The following CSMD1 variants were observed in gnomAD, a reference collection of about 807,000 sequenced individuals.
CSMD1 encodes the protein CUB and Sushi multiple domains 1.
In CSMD1, 213 loss-of-function variants were observed where a neutral mutation model predicts 417.5. That is an observed-to-expected ratio of 0.51 (90% CI 0.46 to 0.57). The LOEUF (loss-of-function observed/expected upper bound fraction) is 0.57. Ranked by LOEUF, CSMD1 falls within the 20% of genes least tolerant of loss-of-function variation. The probability of loss-of-function intolerance (pLI) is 0.00; values close to 1 mark genes in which losing one functional copy is unlikely to be tolerated. For missense variants in CSMD1, 6,923 were observed against 4,529.7 expected (o/e 1.53, Z -15.17); for synonymous variants, 2,862 against 1,736.8 (o/e 1.65, Z -16.11).
At chr8:4,362,164 A>G (rs769242046) in intron 3 of CSMD1, among the ~76,000 whole-genome samples, 1 of 152,212 alleles carries the variant, frequency 6.6e-6, no homozygotes, top group African/African-American at 2.4e-5. Context: ...TTCAATTTAC[A>G]TGAGTACAGT....
intron 3 of CSMD1, among the ~76,000 whole-genome samples, chr8:4,278,637 A>G (rs565800538): frequency 6.6e-6 from 1 of 152,216 alleles, no homozygotes; most frequent in Non-Finnish European, 1.5e-5. Flanking sequence ...TTAGCTACGA[A>G]TTCAACATAA....
intron 3 of CSMD1, among the ~76,000 whole-genome samples, chr8:4,251,318 A>T (rs1803055748): frequency 6.6e-6 from 1 of 152,156 alleles, no homozygotes; most frequent in East Asian, 1.9e-4. Flanking sequence ...ATGTCATAGT[A>T]TTTGCATTAT....
rs1805097297 is a variant in CSMD1, at chr8:2,978,225, C to T, written c.8566+387G>A. 3.9e-5 allele frequency among the ~76,000 whole-genome samples: 6 copies of T among 152,202 alleles called. No individual in the cohort carries two copies. The South Asian group carries it at 8.3e-4, about 21-fold the overall frequency. ...AAACTCCACACCAGAGCACTTCGCCCACCTGGGCTGAGCGAGAGTAAGACG... is the reference window on the plus strand; with the variant it reads ...AAACTCCACACCAGAGCACTTCGCCTACCTGGGCTGAGCGAGAGTAAGACG... On this transcript the variant is annotated intron_variant, in intron 55 of 69. Transcript: ENST00000635120.
chr8:3,839,545 TTA>T (rs199550537), intron 5 of CSMD1, among the ~76,000 whole-genome samples: 2,461 of 129,328 alleles, frequency 0.019, 75 homozygotes, highest in African/African-American at 0.062. Flanking sequence ...ATTTTATATA[TTA>T]TATATATATT....
intron 3 of CSMD1, among the ~76,000 whole-genome samples, chr8:4,075,621 G>T (rs1362119336): frequency 2.0e-5 from 3 of 152,094 alleles, no homozygotes; most frequent in Admixed American, 6.6e-5. Context: ...ATCTATTATT[G>T]TAGTATAACT....
intron 3 of CSMD1, among the ~76,000 whole-genome samples, chr8:4,097,319 T>G (rs1218118232): frequency 1.3e-5 from 2 of 152,186 alleles, no homozygotes; most frequent in Admixed American, 6.5e-5. Context: ...AACACTTATT[T>G]TAATTTGCCT....
intron 5 of CSMD1, among the ~76,000 whole-genome samples, chr8:3,925,580 T>G (rs1313133444): frequency 6.6e-6 from 1 of 152,132 alleles, no homozygotes; most frequent in African/African-American, 2.4e-5. Flanking sequence ...AACTGAATCG[T>G]GGAGACCAGT....
At chr8:4,702,163 T>C (rs2116823339) in intron 1 of CSMD1, among the ~76,000 whole-genome samples, 1 of 152,306 alleles carries the variant, frequency 6.6e-6, no homozygotes, top group East Asian at 1.9e-4. Flanking sequence ...AATGCTGGGC[T>C]TAATACCTAG....
intron 3 of CSMD1, among the ~76,000 whole-genome samples, chr8:4,222,762 T>C (rs1042778731): frequency 3.9e-5 from 6 of 152,168 alleles, no homozygotes; most frequent in Non-Finnish European, 5.9e-5. Context: ...ATGGAGGTTA[T>C]AGTTTAGCTC....
intron 5 of CSMD1, among the ~76,000 whole-genome samples, chr8:3,755,037 C>A (rs1355102858): frequency 6.6e-6 from 1 of 152,220 alleles, no homozygotes; most frequent in African/African-American, 2.4e-5. Context: ...CACTTTACAA[C>A]GTGCAGTTTA....
intron 37 of CSMD1, among the ~76,000 whole-genome samples, chr8:3,162,703 A>C (rs1819972917): frequency 6.6e-6 from 1 of 151,570 alleles, no homozygotes; most frequent in African/African-American, 2.4e-5. Flanking sequence ...GAATCTTGGA[A>C]TTCTGTTCTT....
intron 17 of CSMD1, among the ~76,000 whole-genome samples, chr8:3,389,881 C>T (rs968536833): frequency 6.6e-6 from 1 of 152,124 alleles, no homozygotes; most frequent in African/African-American, 2.4e-5. Flanking sequence ...ATAATTGACA[C>T]CACTATTGAA....
At chr8:4,039,271 T>C (rs1227183934) in intron 3 of CSMD1, among the ~76,000 whole-genome samples, 1 of 152,122 alleles carries the variant, frequency 6.6e-6, no homozygotes, top group Non-Finnish European at 1.5e-5. Flanking sequence ...AAAATATAAC[T>C]CCAAATTCCT....
At chr8:4,801,924 A>C (rs1798308054) in intron 1 of CSMD1, among the ~76,000 whole-genome samples, 4 of 152,164 alleles carry the variant, frequency 2.6e-5, no homozygotes, top group Admixed American at 2.6e-4. Flanking sequence ...TCGTACTGTG[A>C]TTCAAGGTAA....
chr8:4,772,302 C>A (rs1273622612), intron 1 of CSMD1, among the ~76,000 whole-genome samples: 2 of 152,204 alleles, frequency 1.3e-5, no homozygotes, highest in African/African-American at 4.8e-5. Flanking sequence ...CAAATCTCTC[C>A]TTCACGTCAT....
chr8:3,573,073 A>G (rs1222945743), intron 10 of CSMD1, among the ~76,000 whole-genome samples: 1 of 152,218 alleles, frequency 6.6e-6, no homozygotes. Flanking sequence ...CTTAGTAAAT[A>G]GTTAACAAAT....
intron 1 of CSMD1, among the ~76,000 whole-genome samples, chr8:4,680,004 T>G (rs1454088786): frequency 6.6e-6 from 1 of 152,210 alleles, no homozygotes; most frequent in Non-Finnish European, 1.5e-5. Context: ...GTAATTTGTT[T>G]TAGTACTCTT....
At chr8:3,035,146 CTT>C (rs953901324) in intron 50 of CSMD1, among the ~76,000 whole-genome samples, 1 of 152,118 alleles carries the variant, frequency 6.6e-6, no homozygotes, top group Non-Finnish European at 1.5e-5. Flanking sequence ...ACAAAAATAT[CTT>C]AGCTAGATCT....
chr8:4,885,825 G>A (rs1278367215), intron 1 of CSMD1, among the ~76,000 whole-genome samples: 2 of 151,786 alleles, frequency 1.3e-5, no homozygotes, highest in Admixed American at 6.6e-5. Context: ...ATTTATATAT[G>A]TATTATTTGT....
Sources: allele counts gnomAD v4.1 joint callset (sites outside exome capture counted in the v4.1 genomes callset), GRCh38; gene constraint gnomAD v4.1.1; transcripts MANE v1.5; gene names NCBI Gene and HGNC (gene_info 2026-07-23, HGNC 2026-07-21).